Variants in TMX2 observed in about 807,000 individuals in gnomAD.
TMX2 encodes the protein thioredoxin related transmembrane protein 2.
A neutral mutation model predicts 33.4 loss-of-function variants in TMX2; 20 were observed. The ratio of observed to expected loss-of-function variants is 0.60; its 90% CI spans 0.42 to 0.87. TMX2 has a LOEUF of 0.87. Ranked by LOEUF, TMX2 falls within the 40% of genes least tolerant of loss-of-function variation. The pLI is 0.00. For missense variants in TMX2, 340 were observed against 370.7 expected (o/e 0.92, Z 0.68); for synonymous variants, 166 against 140.7 (o/e 1.18, Z -1.27).
chr11:57,739,308 G>A (rs772065709), intron 7 of TMX2, 48 bp downstream of exon 7: 23 of 1,606,972 alleles, frequency 1.4e-5, no homozygotes, highest in Non-Finnish European at 1.9e-5. Context: ...AACAGTAGGT[G>A]GGCTTTCAAG....
intron 1 of TMX2, among the ~76,000 whole-genome samples, chr11:57,715,153 A>G (rs1946890959): frequency 6.6e-6 from 1 of 152,130 alleles, no homozygotes; most frequent in Non-Finnish European, 1.5e-5. Context: ...TAATCCCAGC[A>G]CTTTGGGAGG....
At position 57,740,444 on chromosome 11, in the gene TMX2, G is replaced by C; in HGVS notation, c.*199G>C. On this transcript the variant is annotated 3_prime_UTR_variant, in exon 8 of 8. Coordinates refer to ENST00000278422, the MANE Select transcript of TMX2 (RefSeq NM_015959.4). ...AAGGCCTGCCATGCTGTGGCCAACT[G>C]TTTCACTGGAGCAAGAAAGAGATCT... 1 of 561,330 alleles carries C rather than the reference G, an allele frequency of 1.8e-6. No homozygotes were observed. The allele number at this position is 561,330 out of a possible 1,614,324, so 34.8% of individuals were successfully genotyped here.
intron 1 of TMX2, among the ~76,000 whole-genome samples, chr11:57,734,442 A>T (rs1465595548): frequency 6.6e-6 from 1 of 151,986 alleles, no homozygotes; most frequent in Admixed American, 6.6e-5. Context: ...GTTAACTACA[A>T]CTCTCTTTTA....
At chr11:57,733,053 T>C (rs1948495976) in intron 1 of TMX2, among the ~76,000 whole-genome samples, 1 of 152,150 alleles carries the variant, frequency 6.6e-6, no homozygotes, top group African/African-American at 2.4e-5. Flanking sequence ...TATCTAAATA[T>C]ATCTAAACAC....
chr11:57,730,822 T>G (rs749504783), intron 1 of TMX2, among the ~76,000 whole-genome samples: 13 of 152,076 alleles, frequency 8.5e-5, no homozygotes, highest in Non-Finnish European at 1.9e-4. Context: ...AGAGAGACAT[T>G]TAGGGTAAAA....
chr11:57,738,329 T>G, intron 3 of TMX2, 25 bp from the exon 4 acceptor site: 1 of 1,554,600 alleles, frequency 6.4e-7, no homozygotes, highest in Non-Finnish European at 8.9e-7. Flanking sequence ...TTATGTTTCC[T>G]TCGACATCTT....
intron 1 of TMX2, among the ~76,000 whole-genome samples, chr11:57,727,514 C>CTT (rs1392759902): frequency 6.6e-6 from 1 of 152,108 alleles, no homozygotes; most frequent in Non-Finnish European, 1.5e-5. Context: ...TAATCATGCC[C>CTT]TAAAAACCAT....
At chr11:57,726,135 G>C (rs761504985) in intron 1 of TMX2, among the ~76,000 whole-genome samples, 1 of 151,992 alleles carries the variant, frequency 6.6e-6, no homozygotes, top group African/African-American at 2.4e-5. Flanking sequence ...TCAGTCTGCC[G>C]GGCGTGGTGG....
In TMX2 at chr11:57,723,050, G is replaced by A. The variant is rs1160084280; in HGVS notation, c.189+10243G>A. Among the ~76,000 whole-genome samples, 3 of 152,160 alleles carry A rather than the reference G, an allele frequency of 2.0e-5. No homozygotes were observed. The East Asian group carries it at 5.8e-4, about 29-fold the overall frequency. ...CCCTTGAACCCGGAAAGCAGAGGTT[G>A]CAGTGAGCTGAGATTGTGCCAATGC... On this transcript the variant is annotated intron_variant, in intron 1 of 7. Coordinates refer to ENST00000278422, the MANE Select transcript of TMX2 (RefSeq NM_015959.4).
chr11:57,731,236 C>T (rs554816942), intron 1 of TMX2, among the ~76,000 whole-genome samples: 1 of 144,748 alleles, frequency 6.9e-6, no homozygotes, highest in East Asian at 2.2e-4. Flanking sequence ...CTGGTTCAAG[C>T]GATTCTCCTG....
At chr11:57,717,522 G>A (rs1281823529) in intron 1 of TMX2, among the ~76,000 whole-genome samples, 1 of 152,024 alleles carries the variant, frequency 6.6e-6, no homozygotes, top group Non-Finnish European at 1.5e-5. Context: ...CCAACACAGC[G>A]AAACCCCGTC....
chr11:57,735,206 A>G (rs757026329), intron 1 of TMX2, among the ~76,000 whole-genome samples: 1 of 149,422 alleles, frequency 6.7e-6, no homozygotes, highest in Admixed American at 6.7e-5. Flanking sequence ...CCTCACCCCT[A>G]TTTTCTTTTC....
chr11:57,726,909 G>A (rs896600967), intron 1 of TMX2, among the ~76,000 whole-genome samples: 7 of 152,116 alleles, frequency 4.6e-5, no homozygotes, highest in Admixed American at 6.6e-5. Context: ...CCCTTATTAA[G>A]GAGTACAAAC....
At chr11:57,716,845 C>A (rs1429998004) in intron 1 of TMX2, among the ~76,000 whole-genome samples, 2 of 136,672 alleles carry the variant, frequency 1.5e-5, no homozygotes, top group African/African-American at 5.4e-5. Context: ...GGGGGCTGAC[C>A]CCCCCCACCT....
intron 1 of TMX2, among the ~76,000 whole-genome samples, chr11:57,729,520 A>G (rs1948220398): frequency 6.6e-6 from 1 of 152,162 alleles, no homozygotes; most frequent in Non-Finnish European, 1.5e-5. Context: ...TCAATTGGCA[A>G]TTGAAACCCT....
At chr11:57,727,683 A>G (rs536039512) in intron 1 of TMX2, among the ~76,000 whole-genome samples, 1 of 152,338 alleles carries the variant, frequency 6.6e-6, no homozygotes, top group Non-Finnish European at 1.5e-5. Context: ...TCTTCTGGGA[A>G]AAATCCACAT....
rs1292146840 is a variant in TMX2, at chr11:57,729,340, C to T, written c.190-8268C>T. Among the ~76,000 whole-genome samples the T allele has an allele frequency of 4.6e-5, 7 of 152,044 alleles. No homozygotes were observed. In the East Asian group the frequency reaches 1.4e-3, roughly 29 times the overall value. ...TAGGTTCTGTTTTTTTTTCTGCCTG[C>T]TTTAGATCGGCTGTTACTTTTCGAC... On this transcript the variant is annotated intron_variant, in intron 1 of 7. Coordinates refer to ENST00000278422, the MANE Select transcript of TMX2 (RefSeq NM_015959.4).
At chr11:57,727,457 C>T (rs1360779669) in intron 1 of TMX2, among the ~76,000 whole-genome samples, 2 of 152,076 alleles carry the variant, frequency 1.3e-5, no homozygotes, top group African/African-American at 4.8e-5. Context: ...GAGGACTAAG[C>T]TATGATTTTT....
chr11:57,733,228 G>A (rs916372230), intron 1 of TMX2, among the ~76,000 whole-genome samples: 10 of 143,898 alleles, frequency 6.9e-5, no homozygotes, highest in Admixed American at 3.5e-4. Flanking sequence ...TTAAGTCCTC[G>A]TGTAAGACAC....
Sources: gnomAD v4.1 joint callset for allele counts (sites outside exome capture counted in the v4.1 genomes callset) on GRCh38, gnomAD v4.1.1 for gene constraint, MANE v1.5 for transcripts, NCBI Gene and HGNC (gene_info 2026-07-23, HGNC 2026-07-21) for gene names.